The following GPRIN2 variants were observed in gnomAD, a reference collection of about 807,000 sequenced individuals.
GPRIN2 encodes G protein-regulated inducer of neurite outgrowth 2.
A neutral mutation model predicts 0.3 loss-of-function variants in GPRIN2; 1 was observed. The observed-to-expected ratio is 3.90, with a 90% CI of 1.39 to 18.51. The LOEUF is 18.51. Ranked by LOEUF, GPRIN2 falls within the 30% of genes most tolerant of loss-of-function variation. The probability of loss-of-function intolerance (pLI) is 0.11; values close to 1 mark genes in which losing one functional copy is unlikely to be tolerated. For missense variants in GPRIN2, 880 were observed against 604.2 expected, an observed-to-expected ratio of 1.46 and a Z score of -4.79; for synonymous variants, 361 against 258.6, an observed-to-expected ratio of 1.40 and a Z score of -3.80.
intron 2 of GPRIN2, among the ~76,000 whole-genome samples, chr10:46,553,227 C>A (rs1420358132): frequency 6.6e-6 from 1 of 152,308 alleles, no homozygotes; most frequent in East Asian, 1.9e-4. Flanking sequence ...CAGCTCTCAC[C>A]CTTTTTACTG....
rs1832390862 is a variant in GPRIN2 at position 46,550,377 on chromosome 10, G to A, written c.360C>T (p.Ser120=). The change falls in exon 3 of 3, where the codon AGC becomes AGT. Residue 120 remains serine, a synonymous_variant. Transcript: ENST00000374314. ...RAPSAAAMQR[S]HSDLVRSTQM... is the part of the protein sequence containing the mutation. ...GGGTGCTACGGACCAGGTCTGAATG[G>A]CTCCTCTGCATAGCAGCAGCACTAG... 1.2e-6 allele frequency: 2 copies of A among 1,612,430 alleles called. No homozygotes were observed. The highest frequency in any genetic ancestry group is 2.2e-5 in the South Asian group (2 of 91,004).
chr10:46,552,488 G>A (rs1393647242), intron 2 of GPRIN2, among the ~76,000 whole-genome samples: 10 of 152,300 alleles, frequency 6.6e-5, no homozygotes, highest in Non-Finnish European at 1.2e-4. Flanking sequence ...GGGAAGGGCT[G>A]TGGGACTCGG....
chr10:46,549,195 CCGGAAGCCCCAGG>C lies in GPRIN2; in HGVS notation c.*152_*164del. ...AAGAAAACAGCCCAGCTGTGTAGGG[CCGGAAGCCCCAGG>C]CTGCAGTCCTGTGGTCTGGAGGCAG... On this transcript the variant is annotated 3_prime_UTR_variant, in exon 3 of 3. Transcript: ENST00000374314. The C allele has an allele frequency of 1.7e-5, 15 of 908,360 alleles. No individual in the cohort carries two copies. Among genetic ancestry groups the C allele is most frequent in the South Asian group, 8.1e-5 (3 of 36,882 alleles). 56.3% of individuals were successfully genotyped at this position (908,360 alleles called of 1,614,324 possible).
chr10:46,556,082 G>A (rs1843181518), intron 1 of GPRIN2, among the ~76,000 whole-genome samples: 1 of 152,312 alleles, frequency 6.6e-6, no homozygotes, highest in Non-Finnish European at 1.5e-5. Context: ...AGCGACTGCA[G>A]GCAAATGGGG....
Position 46,545,153 on chromosome 10 carries a change from G to A in GPRIN2, c.*4207C>T, listed in dbSNP as rs1440013124. On this transcript the variant is annotated 3_prime_UTR_variant, in exon 3 of 3. Transcript: ENST00000374314. ...AGGGTTGGGCATTTGTGGGCTACAA[G>A]CTTGGCATGACATGGATGCAAATGT... 6.6e-6 allele frequency among the ~76,000 whole-genome samples: 1 copy of A among 152,310 alleles called. No homozygotes were observed. The highest frequency in any genetic ancestry group is 2.4e-5 in the African/African-American group (1 of 41,488).
At position 46,544,097 on chromosome 10, in the gene GPRIN2, CA is replaced by C. The variant is rs1833007862; in HGVS notation, c.*5262del. On this transcript the variant is annotated 3_prime_UTR_variant, in exon 3 of 3. Coordinates refer to ENST00000374314, the MANE Select transcript of GPRIN2 (RefSeq NM_001385282.1). ...CAGCCAGCTTTGGAAAGACACCCAT[CA>C]AAAAGAGTGAGCAAACCTAAAGAAG... is the stretch of plus-strand genomic sequence containing the variant. Among the ~76,000 whole-genome samples the C allele has an allele frequency of 1.8e-3, 272 of 152,242 alleles. No individual in the cohort carries two copies. Among genetic ancestry groups the C allele is most frequent in the African/African-American group, 6.0e-3 (250 of 41,438 alleles).
At position 46,548,249 on chromosome 10, in the gene GPRIN2, C is replaced by CG. The variant is rs1555015749; in HGVS notation, c.*1110_*1111insC. Among the ~76,000 whole-genome samples, 6 of 152,298 alleles carry CG rather than the reference C, an allele frequency of 3.9e-5. No individual in the cohort carries two copies. In the East Asian group the frequency reaches 5.8e-4, roughly 15 times the overall value. The stretch of plus-strand genomic sequence containing the variant: ...AATGAAGTCAGACTGTGCCAAAGCC[C>CG]ATGTTTCTGTCTCTCCAAGGCCCCT... On this transcript the variant is annotated 3_prime_UTR_variant, in exon 3 of 3. Transcript: ENST00000374314.
rs1331288403 is a variant in GPRIN2 at position 46,544,460 on chromosome 10, G to C, written c.*4900C>G. On this transcript the variant is annotated 3_prime_UTR_variant, in exon 3 of 3. Transcript: ENST00000374314. ...CACCTCAACCCCCTGAGTAGCTGAGGCTACAGATGCACACCACCATGCCCA... is the reference window on the plus strand; with the variant it reads ...CACCTCAACCCCCTGAGTAGCTGAGCCTACAGATGCACACCACCATGCCCA... Among the ~76,000 whole-genome samples the C allele has an allele frequency of 3.3e-5, 5 of 152,304 alleles. No individual in the cohort carries two copies. Among genetic ancestry groups the C allele is most frequent in the Non-Finnish European group, 7.3e-5 (5 of 68,052 alleles).
chr10:46,549,228 A>G lies in GPRIN2; in HGVS notation c.*132T>C. On this transcript the variant is annotated 3_prime_UTR_variant, in exon 3 of 3. Coordinates refer to ENST00000374314, the MANE Select transcript of GPRIN2 (RefSeq NM_001385282.1). ...CCCAGGCTGCAGTCCTGTGGTCTGG[A>G]GGCAGCCAATATTCAGGTGAGAGAT... 8.1e-7 allele frequency: 1 copy of G among 1,230,924 alleles called. No individual in the cohort carries two copies. The highest frequency in any genetic ancestry group is 1.1e-6 in the Non-Finnish European group (1 of 920,546). 76.3% of individuals were successfully genotyped at this position (1,230,924 alleles called of 1,614,324 possible).
intron 2 of GPRIN2, chr10:46,551,540 A>G: frequency 1.0e-6 from 1 of 979,200 alleles, no homozygotes; most frequent in South Asian, 4.7e-5. Context: ...CTGTAGGGCT[A>G]GGGAACATGG....
rs2133143958 is a variant in GPRIN2, at chr10:46,542,792, G to C, written c.*6568C>G. Among the ~76,000 whole-genome samples the C allele has an allele frequency of 6.6e-6, 1 of 152,428 alleles. No homozygotes were observed. The highest frequency in any genetic ancestry group is 1.5e-5 in the Non-Finnish European group (1 of 68,050). ...CAGAGAAGCATACAGGTGGGACAGTGCAGTGTGTCCCCACAGGGGCTCAGG... is the reference window on the plus strand; with the variant it reads ...CAGAGAAGCATACAGGTGGGACAGTCCAGTGTGTCCCCACAGGGGCTCAGG... On this transcript the variant is annotated 3_prime_UTR_variant, in exon 3 of 3. Coordinates refer to ENST00000374314, the MANE Select transcript of GPRIN2 (RefSeq NM_001385282.1).
At position 46,541,836 on chromosome 10, in the gene GPRIN2, A is replaced by G. The variant is rs1841788010; in HGVS notation, c.*7524T>C. On this transcript the variant is annotated 3_prime_UTR_variant, in exon 3 of 3. Coordinates refer to ENST00000374314, the MANE Select transcript of GPRIN2 (RefSeq NM_001385282.1). ...AAAATATCAAAAATTTCAATAAAGC[A>G]GCATCCGACTTCCTGCCCAGCTGTC... Among the ~76,000 whole-genome samples the G allele has an allele frequency of 6.6e-6, 1 of 152,312 alleles. No homozygotes were observed. The highest frequency in any genetic ancestry group is 2.4e-5 in the African/African-American group (1 of 41,488).
rs1393373719 is a variant in GPRIN2 at position 46,543,722 on chromosome 10, AT to A, written c.*5637del. ...CCCACAATTTTCACATTCCCTCCCAATAAAGTAGGGCCATGAAAGATGAATT... is the reference window on the plus strand; with the variant it reads ...CCCACAATTTTCACATTCCCTCCCAAAAAGTAGGGCCATGAAAGATGAATT... On this transcript the variant is annotated 3_prime_UTR_variant, in exon 3 of 3. Coordinates refer to ENST00000374314, the MANE Select transcript of GPRIN2 (RefSeq NM_001385282.1). Among the ~76,000 whole-genome samples the A allele has an allele frequency of 6.6e-6, 1 of 152,308 alleles. No individual in the cohort carries two copies. The highest frequency in any genetic ancestry group is 1.5e-5 in the Non-Finnish European group (1 of 68,054).
At chr10:46,551,841 G>A (rs1832156719) in intron 2 of GPRIN2, among the ~76,000 whole-genome samples, 25 of 152,402 alleles carry the variant, frequency 1.6e-4, no homozygotes, top group African/African-American at 6.0e-4. Context: ...CTTCATCCCT[G>A]ACTGAGCATT....
At position 46,549,576 on chromosome 10, in the gene GPRIN2, C is replaced by T. The variant is rs1832673279; in HGVS notation, c.1161G>A (p.Glu387=). The stretch of plus-strand genomic sequence containing the variant: ...CTCCGTACACCTCCCATGTCATGCC[C>T]TCAGCATCCCATCGCACATCCCGCA... ...SPVRDVRWDA[E]GMTWEVYGAA... Residue 387 remains glutamate (E), a synonymous_variant, in exon 3 of 3, where the codon GAG becomes GAA. Coordinates refer to ENST00000374314, the MANE Select transcript of GPRIN2 (RefSeq NM_001385282.1). The T allele has an allele frequency of 1.9e-6, 3 of 1,614,180 alleles. No individual in the cohort carries two copies. The highest frequency in any genetic ancestry group is 2.2e-5 in the South Asian group (2 of 91,088).
chr10:46,557,431 T>C (rs1217376296), upstream of GPRIN2, among the ~76,000 whole-genome samples: 1 of 152,306 alleles, frequency 6.6e-6, no homozygotes, highest in Non-Finnish European at 1.5e-5. Context: ...TGAAGACTGG[T>C]AATCTACCAC....
In GPRIN2 at chr10:46,545,877, C is replaced by G. The variant is rs942066481; in HGVS notation, c.*3483G>C. Among the ~76,000 whole-genome samples, 5 of 152,310 alleles carry G rather than the reference C, an allele frequency of 3.3e-5. No homozygotes were observed. Among genetic ancestry groups the G allele is most frequent in the African/African-American group, 1.2e-4 (5 of 41,486 alleles). ...CCATCTTACAGATGAGGAAGATGAT[C>G]AAGGCTTGTAACTTGCCCAAGATCA... On this transcript the variant is annotated 3_prime_UTR_variant, in exon 3 of 3. Transcript: ENST00000374314.
Position 46,548,959 on chromosome 10 carries a change from A to T in GPRIN2, c.*401T>A, listed in dbSNP as rs1832775143. 3,090 of 231,790 alleles carry T rather than the reference A, an allele frequency of 0.013. No individual in the cohort carries two copies. Among genetic ancestry groups the T allele is most frequent in the African/African-American group, 0.066 (2,828 of 42,662 alleles). The allele number at this position is 231,790 out of a possible 1,614,324, so 14.4% of individuals were successfully genotyped here. On this transcript the variant is annotated 3_prime_UTR_variant, in exon 3 of 3. Transcript: ENST00000374314. ...CCCTGTCACTGGGGCCTCACATTTC[A>T]TGTCGAGAATTCACTATTTCTCAGC...
rs145616440 is a variant in GPRIN2 at position 46,549,752 on chromosome 10, G to C, written c.985C>G (p.Pro329Ala). Residue 329 changes from proline to alanine, a missense_variant, in exon 3 of 3, where the codon CCG (proline) becomes GCG (alanine). Coordinates refer to ENST00000374314, the MANE Select transcript of GPRIN2 (RefSeq NM_001385282.1). ...ACACCAGCATCCTGGGCTGACAGCG[G>C]GGATGCCTCTGCAGGGGCCAAGTCA... ...ANDLAPAEAS[P>A]LSAQDAGVQA... The C allele has an allele frequency of 1.3e-3, 2,124 of 1,612,824 alleles. No homozygotes were observed. Among genetic ancestry groups the C allele is most frequent in the South Asian group, 7.9e-3 (717 of 90,828 alleles).
Sources: allele counts gnomAD v4.1 joint callset (sites outside exome capture counted in the v4.1 genomes callset), GRCh38; gene constraint gnomAD v4.1.1; transcripts MANE v1.5; gene names NCBI Gene and HGNC (gene_info 2026-07-23, HGNC 2026-07-21).